IMMP2L: variants seen among roughly 807,000 people sequenced by gnomAD.
IMMP2L encodes the protein mitochondrial inner membrane protease subunit 2.
IMMP2L carries 18 observed loss-of-function variants against 19.3 expected under a neutral mutation model. That is an observed-to-expected ratio of 0.93 (90% confidence interval 0.64 to 1.38). IMMP2L has a LOEUF of 1.38. Ranked by LOEUF, IMMP2L falls within the 40% of genes most tolerant of loss-of-function variation. The pLI is 0.00. For missense variants in IMMP2L, 233 were observed against 218.2 expected (o/e 1.07, Z -0.43); for synonymous variants, 76 against 73.0 (o/e 1.04, Z -0.21).
In IMMP2L at chr7:111,553,327, G is replaced by A. The variant is rs139318117; in HGVS notation, c.-3+8524C>T. On this transcript the variant is annotated intron_variant, in intron 1 of 5. Coordinates refer to ENST00000405709, the MANE Select transcript of IMMP2L (RefSeq NM_032549.4). ...ACTAAAATAAGGTATAATACTGTAA[G>A]GATGATCATTCCTACACGATTATAT... is the stretch of plus-strand genomic sequence containing the variant. Among the ~76,000 whole-genome samples the A allele has an allele frequency of 2.1e-3, 323 of 152,168 alleles. 3 individuals carry two copies. Among genetic ancestry groups the A allele is most frequent in the African/African-American group, 7.4e-3 (306 of 41,518 alleles).
At chr7:111,504,928 T>C (rs1190611116) in intron 2 of IMMP2L, among the ~76,000 whole-genome samples, 3 of 151,800 alleles carry the variant, frequency 2.0e-5, no homozygotes, top group Non-Finnish European at 2.9e-5. Flanking sequence ...ACTTCATGTC[T>C]AAAACACCAA....
intron 3 of IMMP2L, among the ~76,000 whole-genome samples, chr7:111,003,273 T>G (rs1487036541): frequency 1.3e-5 from 2 of 152,258 alleles, no homozygotes; most frequent in Non-Finnish European, 1.5e-5. Flanking sequence ...TTTTAGAGAT[T>G]TTTGCCATAC....
intron 5 of IMMP2L, among the ~76,000 whole-genome samples, chr7:110,849,114 T>C (rs1384964026): frequency 3.3e-5 from 5 of 152,112 alleles, no homozygotes; most frequent in African/African-American, 1.2e-4. Context: ...TTGTAACAAA[T>C]GCACTACTCT....
chr7:111,181,850 G>A (rs10262121), intron 3 of IMMP2L, among the ~76,000 whole-genome samples: 1,744 of 151,894 alleles, frequency 0.011, 34 homozygotes, highest in African/African-American at 0.039. Flanking sequence ...TACTTCTTAC[G>A]GCTAAAATAA....
intron 3 of IMMP2L, among the ~76,000 whole-genome samples, chr7:111,034,490 A>G (rs1791140116): frequency 6.6e-6 from 1 of 152,130 alleles, no homozygotes; most frequent in Non-Finnish European, 1.5e-5. Flanking sequence ...CTAACCAATC[A>G]TAAGGTATAT....
intron 3 of IMMP2L, among the ~76,000 whole-genome samples, chr7:111,202,810 G>A (rs2129615913): frequency 6.6e-6 from 1 of 152,300 alleles, no homozygotes; most frequent in South Asian, 2.1e-4. Context: ...AGATGAGTGT[G>A]AAGGGGATGT....
intron 5 of IMMP2L, among the ~76,000 whole-genome samples, chr7:110,802,184 T>C (rs944219613): frequency 2.6e-5 from 4 of 152,056 alleles, no homozygotes; most frequent in Admixed American, 6.6e-5. Context: ...AAATAGAAAT[T>C]ATGACAATTA....
At chr7:111,231,347 CT>C (rs1813695925) in intron 3 of IMMP2L, among the ~76,000 whole-genome samples, 1 of 151,950 alleles carries the variant, frequency 6.6e-6, no homozygotes, top group Admixed American at 6.6e-5. Flanking sequence ...CAACTGTAGC[CT>C]TCACTCTTAA....
At chr7:110,971,982 A>C (rs1016654203) in intron 3 of IMMP2L, among the ~76,000 whole-genome samples, 2 of 152,092 alleles carry the variant, frequency 1.3e-5, no homozygotes, top group African/African-American at 4.8e-5. Flanking sequence ...GAGAATGCTG[A>C]CAGTGTGGAG....
rs1399408043 is a variant in IMMP2L, at chr7:111,274,483, C to A, written c.239+212755G>T. Among the ~76,000 whole-genome samples, 4 of 152,262 alleles carry A rather than the reference C, an allele frequency of 2.6e-5. No individual in the cohort carries two copies. In the Middle Eastern group the frequency reaches 0.01, roughly 388 times the overall value. On this transcript the variant is annotated intron_variant, in intron 3 of 5. Transcript: ENST00000405709. The stretch of plus-strand genomic sequence containing the variant: ...TTAACACTTCTCCCTCAAAGCCTGT[C>A]CCTCTTGTGGTTTTCTGATAGGCTA...
chr7:110,779,145 A>G (rs570979224), intron 5 of IMMP2L, among the ~76,000 whole-genome samples: 2 of 151,978 alleles, frequency 1.3e-5, no homozygotes, highest in Non-Finnish European at 2.9e-5. Flanking sequence ...CCAGAAGTCA[A>G]TACAAACCAG....
At chr7:111,392,887 T>C (rs1035115177) in intron 3 of IMMP2L, 9 of 455,574 alleles carry the variant, frequency 2.0e-5, no homozygotes, top group African/African-American at 1.0e-4. Context: ...CAGAGCATAG[T>C]AGCTTTTGTC....
At chr7:110,893,953 T>C (rs1330196277) in intron 4 of IMMP2L, among the ~76,000 whole-genome samples, 8 of 152,002 alleles carry the variant, frequency 5.3e-5, no homozygotes, top group Non-Finnish European at 1.2e-4. Context: ...ATGGCAAACT[T>C]ATCTATGAGT....
chr7:110,827,959 G>A (rs548400445), intron 5 of IMMP2L, among the ~76,000 whole-genome samples: 1 of 152,188 alleles, frequency 6.6e-6, no homozygotes, highest in South Asian at 2.1e-4. Flanking sequence ...AATCATGAGA[G>A]AGTTAGACAA....
chr7:111,209,047 G>A (rs1037832854), intron 3 of IMMP2L, among the ~76,000 whole-genome samples: 1 of 152,122 alleles, frequency 6.6e-6, no homozygotes, highest in Admixed American at 6.5e-5. Flanking sequence ...TGACAACTTA[G>A]AGAGCACAAT....
chr7:110,933,198 T>G (rs563599028), intron 4 of IMMP2L, among the ~76,000 whole-genome samples: 1 of 152,286 alleles, frequency 6.6e-6, no homozygotes, highest in African/African-American at 2.4e-5. Context: ...ATAGCTGGAC[T>G]GAGGTGAACA....
At chr7:110,937,654 G>C (rs1366966433) in intron 4 of IMMP2L, among the ~76,000 whole-genome samples, 2 of 152,182 alleles carry the variant, frequency 1.3e-5, no homozygotes, top group East Asian at 3.8e-4. Flanking sequence ...GGGAGTAGGA[G>C]AAAGGTCACT....
chr7:110,934,499 A>G (rs1815858314), intron 4 of IMMP2L, among the ~76,000 whole-genome samples: 1 of 152,160 alleles, frequency 6.6e-6, no homozygotes, highest in African/African-American at 2.4e-5. Context: ...AACTTTTTAG[A>G]AGGCTGGATC....
chr7:111,516,109 T>C (rs1426508289), intron 2 of IMMP2L, among the ~76,000 whole-genome samples: 1 of 152,146 alleles, frequency 6.6e-6, no homozygotes. Flanking sequence ...TTGTTTCAAA[T>C]GTAAAATTTA....
Sources: gnomAD v4.1 joint callset for allele counts (sites outside exome capture counted in the v4.1 genomes callset) on GRCh38, gnomAD v4.1.1 for gene constraint, MANE v1.5 for transcripts, NCBI Gene and HGNC (gene_info 2026-07-23, HGNC 2026-07-21) for gene names.